HTR1F: variants seen among roughly 807,000 people sequenced by gnomAD.
The protein encoded by HTR1F is 5-hydroxytryptamine (serotonin) receptor 1F, G protein-coupled.
In HTR1F, 17 loss-of-function variants were observed where a neutral mutation model predicts 24.0. The ratio of observed to expected loss-of-function variants is 0.71; its 90% CI spans 0.48 to 1.06. The LOEUF (loss-of-function observed/expected upper bound fraction) is 1.06, where lower values mean the gene tolerates loss of function less well. HTR1F is among the 50% of genes least tolerant of loss of function. The pLI, the probability that HTR1F is intolerant of heterozygous loss-of-function variation, is 0.00. For synonymous variants in HTR1F, 186 were observed against 156.8 expected, an observed-to-expected ratio of 1.19 and a Z score of -1.39; for missense variants, 391 against 427.8, an observed-to-expected ratio of 0.91 and a Z score of 0.76.
chr3:87,817,445 T>G (rs1330045205), intron 1 of HTR1F, among the ~76,000 whole-genome samples: 1 of 152,176 alleles, frequency 6.6e-6, no homozygotes, highest in Non-Finnish European at 1.5e-5. Context: ...AATACAAAGT[T>G]GATATTCAAT....
chr3:87,866,376 G>A (rs1405420357), intron 2 of HTR1F, among the ~76,000 whole-genome samples: 2 of 152,074 alleles, frequency 1.3e-5, no homozygotes, highest in East Asian at 3.9e-4. Context: ...GACTAGTCAA[G>A]GCAATTATCT....
At chr3:87,860,230 A>G (rs372144599) in intron 2 of HTR1F, among the ~76,000 whole-genome samples, 22 of 152,248 alleles carry the variant, frequency 1.4e-4, no homozygotes, top group Admixed American at 7.9e-4. Flanking sequence ...AAATTAAGTC[A>G]CTATAAAATC....
intron 2 of HTR1F, chr3:87,910,414 A>G (rs1344746716): frequency 6.6e-6 from 1 of 152,024 alleles, no homozygotes; most frequent in African/African-American, 2.4e-5. Flanking sequence ...TTCAACAAGG[A>G]AACCTAACTA....
intron 1 of HTR1F, among the ~76,000 whole-genome samples, chr3:87,803,194 A>G (rs997119337): frequency 2.6e-5 from 4 of 152,126 alleles, no homozygotes; most frequent in Admixed American, 1.3e-4. Flanking sequence ...CTCAGCCACC[A>G]TCAATTTTAT....
At chr3:87,792,870 G>A (rs537963699) in intron 1 of HTR1F, among the ~76,000 whole-genome samples, 28 bp downstream of exon 1, 6 of 152,224 alleles carry the variant, frequency 3.9e-5, no homozygotes, top group African/African-American at 1.4e-4. Flanking sequence ...CGCTGAGCCC[G>A]GGAGTGCGGG....
At chr3:87,892,604 A>G (rs1463566719) in intron 2 of HTR1F, among the ~76,000 whole-genome samples, 3 of 152,208 alleles carry the variant, frequency 2.0e-5, no homozygotes, top group Non-Finnish European at 4.4e-5. Flanking sequence ...GCTACCCAGT[A>G]TACTTTTAGG....
intron 2 of HTR1F, among the ~76,000 whole-genome samples, chr3:87,921,544 C>A (rs1221365920): frequency 1.3e-5 from 2 of 151,666 alleles, no homozygotes; most frequent in African/African-American, 2.4e-5. Context: ...ATTAACATAC[C>A]CATAACCTCA....
At chr3:87,904,639 T>C (rs542249470) in intron 2 of HTR1F, among the ~76,000 whole-genome samples, 8 of 152,166 alleles carry the variant, frequency 5.3e-5, no homozygotes, top group Admixed American at 1.3e-4. Context: ...TATGGTCATA[T>C]CATACAATAC....
At chr3:87,929,245 A>T (rs988009830) in intron 2 of HTR1F, among the ~76,000 whole-genome samples, 1 of 152,198 alleles carries the variant, frequency 6.6e-6, no homozygotes, top group Non-Finnish European at 1.5e-5. Flanking sequence ...TGTCACTAGT[A>T]GAGAAAATGC....
chr3:87,977,062 T>C (rs1364515887), intron 2 of HTR1F, among the ~76,000 whole-genome samples: 1 of 152,214 alleles, frequency 6.6e-6, no homozygotes, highest in Non-Finnish European at 1.5e-5. Flanking sequence ...TCCTCATGTA[T>C]GGTAATTGTA....
intron 2 of HTR1F, among the ~76,000 whole-genome samples, chr3:87,874,045 T>G (rs1705616156): frequency 6.6e-6 from 1 of 152,040 alleles, no homozygotes; most frequent in Non-Finnish European, 1.5e-5. Context: ...ACATAAAACC[T>G]TTTCCTGTAA....
chr3:87,812,075 C>A (rs1357672063), intron 1 of HTR1F, among the ~76,000 whole-genome samples: 1 of 152,110 alleles, frequency 6.6e-6, no homozygotes, highest in East Asian at 1.9e-4. Flanking sequence ...GTCAATTAAA[C>A]CTATAAATTA....
intron 2 of HTR1F, among the ~76,000 whole-genome samples, chr3:87,831,293 C>A (rs975251413): frequency 6.7e-6 from 1 of 150,204 alleles, no homozygotes; most frequent in Non-Finnish European, 1.5e-5. Flanking sequence ...TAGTAACTAA[C>A]TTTAGTAGGG....
At chr3:87,912,633 C>CAAAAAAA (rs35147140) in intron 2 of HTR1F, among the ~76,000 whole-genome samples, 4 of 84,492 alleles carry the variant, frequency 4.7e-5, no homozygotes, top group African/African-American at 8.4e-5. Flanking sequence ...CAATCCTAGG[C>CAAAAAAA]AAAAAAAAAA....
chr3:87,977,136 A>G (rs1162540597), intron 2 of HTR1F, among the ~76,000 whole-genome samples: 1 of 152,190 alleles, frequency 6.6e-6, no homozygotes, highest in Non-Finnish European at 1.5e-5. Context: ...TTAGACAGTG[A>G]TGGTACTATG....
At chr3:87,958,659 C>T (rs557512078) in intron 2 of HTR1F, among the ~76,000 whole-genome samples, 2 of 151,688 alleles carry the variant, frequency 1.3e-5, no homozygotes, top group South Asian at 4.2e-4. Context: ...TCCCTTTACC[C>T]ACACGTTATC....
At chr3:87,846,532 C>T (rs1202319109) in intron 2 of HTR1F, among the ~76,000 whole-genome samples, 1 of 151,886 alleles carries the variant, frequency 6.6e-6, no homozygotes, top group Non-Finnish European at 1.5e-5. Flanking sequence ...AAATAAGGCT[C>T]ATAAAAAGAC....
At chr3:87,941,828 G>A (rs1457383359) in intron 2 of HTR1F, among the ~76,000 whole-genome samples, 1 of 152,100 alleles carries the variant, frequency 6.6e-6, no homozygotes, top group Non-Finnish European at 1.5e-5. Context: ...AGGGACAATG[G>A]CCTCACTGAT....
In HTR1F at chr3:87,822,057, TC is replaced by T. The variant is rs1704370156; in HGVS notation, c.-109del. On this transcript the variant is annotated 5_prime_UTR_variant, in exon 2 of 3. The change creates a premature stop within an existing upstream ORF in the 5' untranslated region. Coordinates refer to ENST00000319595, the MANE Select transcript of HTR1F (RefSeq NM_001322209.2). ...GGACTGTGAAACTTTCATGAACTTC[TC>T]AAAAGAACAGGAACATGAGGAGACG... 6.6e-6 allele frequency among the ~76,000 whole-genome samples: 1 copy of T among 151,952 alleles called. No individual in the cohort carries two copies. Among genetic ancestry groups the T allele is most frequent in the African/African-American group, 2.4e-5 (1 of 41,350 alleles).
Sources: allele counts gnomAD v4.1 joint callset (sites outside exome capture counted in the v4.1 genomes callset), GRCh38; gene constraint gnomAD v4.1.1; transcripts MANE v1.5; gene names NCBI Gene and HGNC (gene_info 2026-07-23, HGNC 2026-07-21).